Variants in ATG16L1 observed in about 807,000 individuals in gnomAD.
The protein encoded by ATG16L1 is autophagy-related protein 16-1.
In ATG16L1, 37 loss-of-function variants were observed where a neutral mutation model predicts 88.5. That is an observed-to-expected ratio of 0.42 (90% CI 0.32 to 0.55). The LOEUF (loss-of-function observed/expected upper bound fraction) is 0.55, where lower values mean the gene tolerates loss of function less well. Ranked by LOEUF, ATG16L1 falls within the 20% of genes least tolerant of loss-of-function variation. The pLI, the probability that ATG16L1 is intolerant of heterozygous loss-of-function variation, is 0.13. For missense variants in ATG16L1, 554 were observed against 752.8 expected, an observed-to-expected ratio of 0.74 and a Z score of 3.09; for synonymous variants, 301 against 281.0, an observed-to-expected ratio of 1.07 and a Z score of -0.71.
chr2:233,289,826 C>T (rs753277472), intron 12 of ATG16L1, 28 bp from the exon 13 acceptor site: 1 of 1,606,344 alleles, frequency 6.2e-7, no homozygotes, highest in Non-Finnish European at 8.5e-7. Flanking sequence ...CGCCCTGAGG[C>T]TCACCCTGGC....
chr2:233,280,404 G>A lies in ATG16L1; in HGVS notation c.1061-701G>A, dbSNP rs575638155. Among the ~76,000 whole-genome samples the A allele has an allele frequency of 9.8e-5, 15 of 152,310 alleles. No individual in the cohort carries two copies. The South Asian group carries it at 3.1e-3, about 32-fold the overall frequency. On this transcript the variant is annotated intron_variant, in intron 10 of 17. Transcript: ENST00000392017. The stretch of plus-strand genomic sequence containing the variant: ...CCGTTACTGAAATTTCCGTGTGGGT[G>A]GCCAGGCTGTCTGGAAGCAGAGTAG...
At chr2:233,281,797 C>CTTGA (rs1698735184) in intron 11 of ATG16L1, among the ~76,000 whole-genome samples, 1 of 152,156 alleles carries the variant, frequency 6.6e-6, no homozygotes, top group Admixed American at 6.6e-5. Flanking sequence ...GAGTCCTTAT[C>CTTGA]TTGATTGTCA....
At chr2:233,288,165 C>G (rs1022489463) in intron 12 of ATG16L1, among the ~76,000 whole-genome samples, 2 of 152,070 alleles carry the variant, frequency 1.3e-5, no homozygotes, top group African/African-American at 4.8e-5. Flanking sequence ...TACAAGCTTC[C>G]CTCATTGAAG....
intron 3 of ATG16L1, 61 bp downstream of exon 3, chr2:233,263,296 G>A (rs943779818): frequency 3.4e-6 from 5 of 1,470,734 alleles, no homozygotes; most frequent in Non-Finnish European, 4.7e-6. Context: ...GTGGGGAGCG[G>A]GGGAGCTCAG....
intron 5 of ATG16L1, among the ~76,000 whole-genome samples, chr2:233,267,885 C>T (rs1472767286): frequency 1.3e-5 from 2 of 152,138 alleles, no homozygotes; most frequent in African/African-American, 2.4e-5. Context: ...AAGCATCTTC[C>T]TAGGGCTGTG....
Position 233,251,674 on chromosome 2 carries a change from G to T in ATG16L1, c.-154G>T. The T allele has an allele frequency of 1.5e-6, 1 of 657,726 alleles. No individual in the cohort carries two copies. Among genetic ancestry groups the T allele is most frequent in the South Asian group, 1.8e-5 (1 of 56,808 alleles). The allele number at this position is 657,726 out of a possible 1,614,324, so 40.7% of individuals were successfully genotyped here. Reference sequence around the variant, plus strand: ...AAATCATTTCCGGCATGAGCCGGAAGACCGTCCCGGATGGCCTCGGGGACT... The same window carrying T: ...AAATCATTTCCGGCATGAGCCGGAATACCGTCCCGGATGGCCTCGGGGACT... On this transcript the variant is annotated 5_prime_UTR_variant, in exon 1 of 18. Transcript: ENST00000392017.
intron 9 of ATG16L1, among the ~76,000 whole-genome samples, chr2:233,275,134 A>T (rs1698259013): frequency 6.6e-6 from 1 of 152,182 alleles, no homozygotes; most frequent in Admixed American, 6.5e-5. Flanking sequence ...GTGGTGTATT[A>T]TGGAAGTTCA....
chr2:233,260,159 CTG>C (rs1697108540), intron 2 of ATG16L1, among the ~76,000 whole-genome samples: 3 of 152,356 alleles, frequency 2.0e-5, no homozygotes, highest in African/African-American at 7.2e-5. Context: ...ACACTGCACA[CTG>C]TGCTTAAATA....
At position 233,277,689 on chromosome 2, in the gene ATG16L1, A is replaced by G. The variant is rs1435869378; in HGVS notation, c.1060+16A>G. ...GTATTTGGAGGTGAGAGCCTGCTGC[A>G]TGTTCTCAGACTGAAAACTTGAGAT... On this transcript the variant is annotated intron_variant, in intron 10 of 17. Coordinates refer to ENST00000392017, the MANE Select transcript of ATG16L1 (RefSeq NM_030803.7). 1.9e-6 allele frequency: 3 copies of G among 1,607,574 alleles called. No individual in the cohort carries two copies. Among genetic ancestry groups the G allele is most frequent in the South Asian group, 1.1e-5 (1 of 90,898 alleles).
At chr2:233,283,414 A>G (rs566340490) in intron 12 of ATG16L1, among the ~76,000 whole-genome samples, 1 of 152,138 alleles carries the variant, frequency 6.6e-6, no homozygotes, top group Admixed American at 6.5e-5. Flanking sequence ...AAGCTATTGA[A>G]AGATATAATG....
rs774147040 is a variant in ATG16L1, at chr2:233,274,754, A to G, written c.930A>G (p.Val310=). The change falls in exon 9 of 18, where the codon GTA becomes GTG. Residue 310 remains valine (V), a synonymous_variant. Coordinates refer to ENST00000392017, the MANE Select transcript of ATG16L1 (RefSeq NM_030803.7). ...THPGSGKEVR[V]PATALCVFDA... ...CTGGTTCTGGTAAAGAAGTGAGGGT[A>G]CCAGCTACTGCCTTGTGTGTCTTCG... The G allele has an allele frequency of 2.0e-5, 32 of 1,612,278 alleles. No individual in the cohort carries two copies. In the African/African-American group the frequency reaches 3.3e-4, roughly 17 times the overall value.
At chr2:233,263,675 G>GT (rs1199388301) in intron 3 of ATG16L1, among the ~76,000 whole-genome samples, 1 of 152,178 alleles carries the variant, frequency 6.6e-6, no homozygotes, top group Non-Finnish European at 1.5e-5. Flanking sequence ...GGAAAATACA[G>GT]TTCACCATCA....
intron 11 of ATG16L1, among the ~76,000 whole-genome samples, chr2:233,282,053 G>A (rs568209805): frequency 6.6e-6 from 1 of 152,294 alleles, no homozygotes; most frequent in African/African-American, 2.4e-5. Context: ...AGGAAATAAG[G>A]TTGGAAAATG....
intron 9 of ATG16L1, among the ~76,000 whole-genome samples, chr2:233,276,606 G>A (rs879764214): frequency 3.3e-5 from 5 of 152,138 alleles, no homozygotes; most frequent in Non-Finnish European, 7.4e-5. Flanking sequence ...TTGAGTAGCT[G>A]GAACAATAGG....
At chr2:233,267,041 A>G (rs2125232565) in intron 5 of ATG16L1, among the ~76,000 whole-genome samples, 1 of 152,282 alleles carries the variant, frequency 6.6e-6, no homozygotes, top group African/African-American at 2.4e-5. Context: ...AAATGGATAT[A>G]AAAATACTGT....
chr2:233,264,129 C>T (rs1023051711), intron 4 of ATG16L1, 64 bp downstream of exon 4: 4 of 1,567,738 alleles, frequency 2.6e-6, no homozygotes, highest in Non-Finnish European at 2.6e-6. Context: ...GTTCTGCTGA[C>T]CTCTTGTGAG....
chr2:233,276,194 T>G (rs1698358608), intron 9 of ATG16L1, among the ~76,000 whole-genome samples: 2 of 152,196 alleles, frequency 1.3e-5, no homozygotes, highest in Admixed American at 1.3e-4. Flanking sequence ...TTTTATTTTT[T>G]TTTAGTCCCA....
chr2:233,255,787 AAAGT>A (rs1420600925), intron 1 of ATG16L1, among the ~76,000 whole-genome samples: 1 of 152,214 alleles, frequency 6.6e-6, no homozygotes, highest in African/African-American at 2.4e-5. Context: ...CCTGACCTAA[AAAGT>A]AATTAGATAT....
intron 9 of ATG16L1, chr2:233,275,440 C>T: frequency 2.9e-6 from 1 of 339,902 alleles, no homozygotes; most frequent in South Asian, 2.4e-5. Context: ...TGGACTGACT[C>T]CAGTACTGGC....
Sources: allele counts gnomAD v4.1 joint callset (sites outside exome capture counted in the v4.1 genomes callset), GRCh38; gene constraint gnomAD v4.1.1; transcripts MANE v1.5; gene names NCBI Gene and HGNC (gene_info 2026-07-23, HGNC 2026-07-21).